SEC61A2: variants seen among roughly 807,000 people sequenced by gnomAD.
The protein encoded by SEC61A2 is SEC61 translocon subunit alpha 2, also known as protein transport protein Sec61 subunit alpha isoform 2.
In SEC61A2, 28 loss-of-function variants were observed where a neutral mutation model predicts 59.9. The ratio of observed to expected loss-of-function variants is 0.47; its 90% confidence interval spans 0.35 to 0.64. SEC61A2 has a LOEUF of 0.64. Among genes scored for constraint, SEC61A2 ranks in the 30% least tolerant of loss-of-function variants. The probability of loss-of-function intolerance (pLI) is 0.01; values close to 1 mark genes in which losing one functional copy is unlikely to be tolerated. For missense variants in SEC61A2, 340 were observed against 585.9 expected, an observed-to-expected ratio of 0.58 and a Z score of 4.33; for synonymous variants, 202 against 214.4, an observed-to-expected ratio of 0.94 and a Z score of 0.50.
Position 12,149,549 on chromosome 10 carries a change from A to G in SEC61A2, c.221-46A>G, listed in dbSNP as rs1243991090. The G allele has an allele frequency of 8.4e-6, 13 of 1,544,618 alleles. No individual in the cohort carries two copies. Among genetic ancestry groups the G allele is most frequent in the Non-Finnish European group, 1.1e-5 (13 of 1,148,494 alleles). On this transcript the variant is annotated intron_variant, in intron 4 of 11. Coordinates refer to ENST00000298428, the MANE Select transcript of SEC61A2 (RefSeq NM_018144.4). The surrounding 1 kb of genome is among the most constrained non-coding windows in gnomAD (Gnocchi z 5.2). The stretch of plus-strand genomic sequence containing the variant: ...GTGCGACACCTCTAAATCAGTTTGT[A>G]TCGTGTACAGCAAACATTGCACACT...
At chr10:12,167,413 C>A (rs1032879816), downstream of SEC61A2, 4 of 320,496 alleles carry the variant, frequency 1.2e-5, no homozygotes, top group Non-Finnish European at 2.3e-5. Flanking sequence ...CCAGACTGGA[C>A]TAGAAAAGTA....
Position 12,153,890 on chromosome 10 carries a change from T to C in SEC61A2, c.463-1888T>C. The C allele has an allele frequency of 7.5e-7, 1 of 1,325,136 alleles. No individual in the cohort carries two copies. Among genetic ancestry groups the C allele is most frequent in the East Asian group, 2.6e-5 (1 of 38,346 alleles). The allele number at this position is 1,325,136 out of a possible 1,614,324, so 82.1% of individuals were successfully genotyped here. Reference sequence around the variant, plus strand: ...GTTTATGTTTCATTCACGTGGTTAGTGTTTTTCAGCTAGTGAGTTTAGAAA... The same window carrying C: ...GTTTATGTTTCATTCACGTGGTTAGCGTTTTTCAGCTAGTGAGTTTAGAAA... On this transcript the variant is annotated intron_variant, in intron 6 of 11. Transcript: ENST00000298428. The surrounding 1 kb of genome is among the most constrained non-coding windows in gnomAD (Gnocchi z 5.2).
intron 3 of SEC61A2, among the ~76,000 whole-genome samples, chr10:12,138,985 G>A (rs1194740153): frequency 1.4e-5 from 2 of 146,770 alleles, no homozygotes; most frequent in Non-Finnish European, 3.0e-5. Context: ...TGTTTGAGAC[G>A]TAGTCTCGCT....
rs1183173739 is a variant in SEC61A2, at chr10:12,153,911, A to G, written c.463-1867A>G. 2 of 1,136,576 alleles carry G rather than the reference A, an allele frequency of 1.8e-6. No homozygotes were observed. Among genetic ancestry groups the G allele is most frequent in the South Asian group, 1.8e-5 (1 of 54,892 alleles). 70.4% of individuals were successfully genotyped at this position (1,136,576 alleles called of 1,614,324 possible). A position where few individuals can be genotyped will look rare whatever the true frequency, so the allele number is the denominator to read the frequency against. On this transcript the variant is annotated intron_variant, in intron 6 of 11. Transcript: ENST00000298428. This position sits in a 1 kb window ranked among gnomAD's most constrained non-coding sequence, Gnocchi z 5.2. ...TTAGTGTTTTTCAGCTAGTGAGTTTAGAAATCTACATAGCAGGTCTTGACT... is the reference window on the plus strand; with the variant it reads ...TTAGTGTTTTTCAGCTAGTGAGTTTGGAAATCTACATAGCAGGTCTTGACT...
At position 12,162,549 on chromosome 10, in the gene SEC61A2, TACAATC is replaced by T; in HGVS notation, c.1244+263_1244+268del. 1.6e-6 allele frequency: 1 copy of T among 613,938 alleles called. No homozygotes were observed. Among genetic ancestry groups the T allele is most frequent in the Non-Finnish European group, 3.0e-6 (1 of 328,960 alleles). 38.0% of individuals were successfully genotyped at this position (613,938 alleles called of 1,614,324 possible). A position where few individuals can be genotyped will look rare whatever the true frequency, so the allele number is the denominator to read the frequency against. On this transcript the variant is annotated intron_variant, in intron 11 of 11. Transcript: ENST00000298428. The surrounding 1 kb of genome is among the most constrained non-coding windows in gnomAD (Gnocchi z 6.1). The stretch of plus-strand genomic sequence containing the variant: ...GTTCTCAGCATTGGCTGGCTGCACA[TACAATC>T]ACCAGAGAGCTTTTAAAAAGGATTT...
In SEC61A2 at chr10:12,145,936, G is replaced by T. The variant is rs1053648226; in HGVS notation, c.220+2741G>T. Among the ~76,000 whole-genome samples the T allele has an allele frequency of 1.3e-5, 2 of 152,194 alleles. No individual in the cohort carries two copies. Among genetic ancestry groups the T allele is most frequent in the Non-Finnish European group, 2.9e-5 (2 of 68,026 alleles). On this transcript the variant is annotated intron_variant, in intron 4 of 11. Transcript: ENST00000298428. This position sits in a 1 kb window ranked among gnomAD's most constrained non-coding sequence, Gnocchi z 4.4. Reference sequence around the variant, plus strand: ...AAGCCCCAGGAAGAAGGGGAGCAAGGCCAGCCCTTAGGCCTCAGCAGCAGG... The same window carrying T: ...AAGCCCCAGGAAGAAGGGGAGCAAGTCCAGCCCTTAGGCCTCAGCAGCAGG...
rs371483187 is a variant in SEC61A2 at position 12,157,902 on chromosome 10, T to C, written c.778-6T>C. ...TCCCCCACTTACTCTCCGTTTCCTT[T>C]TTTAGGGATTTCGCGTTGATCTGCC... On this transcript the variant is annotated splice_polypyrimidine_tract_variant and splice_region_variant and intron_variant, in intron 8 of 11. Coordinates refer to ENST00000298428, the MANE Select transcript of SEC61A2 (RefSeq NM_018144.4). 1.9e-6 allele frequency: 3 copies of C among 1,613,968 alleles called. No individual in the cohort carries two copies. Among genetic ancestry groups the C allele is most frequent in the African/African-American group, 2.7e-5 (2 of 74,914 alleles).
At chr10:12,134,796 T>C (rs1465277468) in intron 2 of SEC61A2, among the ~76,000 whole-genome samples, 3 of 151,902 alleles carry the variant, frequency 2.0e-5, no homozygotes, top group Admixed American at 6.6e-5. Context: ...CGTGCGCCTG[T>C]AGTCCCAGCT....
At position 12,149,483 on chromosome 10, in the gene SEC61A2, G is replaced by C. The variant is rs1834226649; in HGVS notation, c.221-112G>C. ...GTGTTTAAGAAATGAAAATTTGCTT[G>C]TTAAAATTTTCACGTGTGTTTCAGT... On this transcript the variant is annotated intron_variant, in intron 4 of 11. Transcript: ENST00000298428. The surrounding 1 kb of genome is among the most constrained non-coding windows in gnomAD (Gnocchi z 5.2). The C allele has an allele frequency of 2.8e-6, 3 of 1,065,810 alleles. No individual in the cohort carries two copies. The highest frequency in any genetic ancestry group is 4.1e-6 in the Non-Finnish European group (3 of 736,892). The allele number at this position is 1,065,810 out of a possible 1,614,324, so 66.0% of individuals were successfully genotyped here. A position where few individuals can be genotyped will look rare whatever the true frequency, so the allele number is the denominator to read the frequency against.
chr10:12,147,729 G>T (rs1286092369), intron 4 of SEC61A2, among the ~76,000 whole-genome samples: 7 of 151,320 alleles, frequency 4.6e-5, no homozygotes, highest in Admixed American at 4.6e-4. Flanking sequence ...TTGTTTTGAT[G>T]TGAGGCATGA....
At chr10:12,148,147 G>T (rs1458081387) in intron 4 of SEC61A2, among the ~76,000 whole-genome samples, 5 of 151,374 alleles carry the variant, frequency 3.3e-5, no homozygotes, top group African/African-American at 1.2e-4. Flanking sequence ...CACCATATTG[G>T]CCAGGCTGGT....
chr10:12,157,839 C>A, intron 8 of SEC61A2, 69 bp from the exon 9 acceptor site: 1 of 1,439,056 alleles, frequency 6.9e-7, no homozygotes, highest in Non-Finnish European at 9.8e-7. Context: ...TCTTTGTTTT[C>A]CCTCTCTGGT....
At chr10:12,147,251 C>T (rs574042370) in intron 4 of SEC61A2, among the ~76,000 whole-genome samples, 8 of 152,190 alleles carry the variant, frequency 5.3e-5, no homozygotes, top group Non-Finnish European at 1.2e-4. Context: ...GTAGTTGTAT[C>T]TAATCATATC....
chr10:12,166,921 T>C, downstream of SEC61A2: 1 of 298,180 alleles, frequency 3.4e-6, no homozygotes, highest in South Asian at 2.9e-5. Context: ...GCTGGTTCTG[T>C]TCATGGTTTA....
intron 3 of SEC61A2, among the ~76,000 whole-genome samples, chr10:12,141,217 A>G (rs1296968233): frequency 1.3e-5 from 2 of 152,144 alleles, no homozygotes; most frequent in Non-Finnish European, 2.9e-5. Context: ...CTCACTTTAA[A>G]TGAAGAGTGT....
At chr10:12,157,592 T>C (rs2131677345) in intron 8 of SEC61A2, among the ~76,000 whole-genome samples, 1 of 147,114 alleles carries the variant, frequency 6.8e-6, no homozygotes, top group Non-Finnish European at 1.5e-5. Context: ...AACCTCCGCC[T>C]CCTGGGTTCA....
At chr10:12,169,407 T>C, downstream of SEC61A2, 3 of 948,304 alleles carry the variant, frequency 3.2e-6, no homozygotes, top group Middle Eastern at 2.1e-4. This position sits in a 1 kb window ranked among gnomAD's most constrained non-coding sequence, Gnocchi z 4.8. Flanking sequence ...GGGGCTGTTA[T>C]TGTTCCTGTT....
Position 12,158,404 on chromosome 10 carries a change from T to G in SEC61A2, c.975+299T>G. 1 of 348,246 alleles carries G rather than the reference T, an allele frequency of 2.9e-6. No homozygotes were observed. Among genetic ancestry groups the G allele is most frequent in the Non-Finnish European group, 5.3e-6 (1 of 187,176 alleles). The allele number at this position is 348,246 out of a possible 1,614,324, so 21.6% of individuals were successfully genotyped here. On this transcript the variant is annotated intron_variant, in intron 9 of 11. Transcript: ENST00000298428. This position sits in a 1 kb window ranked among gnomAD's most constrained non-coding sequence, Gnocchi z 5.7. ...GTAATTTCCTATTTTGTCATCTTAT[T>G]CCAGTATTGTCTACAATAATGCTTT...
chr10:12,136,964 C>T (rs900388899), intron 3 of SEC61A2, among the ~76,000 whole-genome samples: 2 of 152,120 alleles, frequency 1.3e-5, no homozygotes, highest in Non-Finnish European at 2.9e-5. Context: ...TGGGGTTTTG[C>T]TGTGTTGTTC....
Sources: gnomAD v4.1 joint callset for allele counts (sites outside exome capture counted in the v4.1 genomes callset) on GRCh38, gnomAD v4.1.1 for gene constraint, Gnocchi (gnomAD v3.1) non-coding constraint, MANE v1.5 for transcripts, NCBI Gene and HGNC (gene_info 2026-07-23, HGNC 2026-07-21) for gene names.